Variants in CDYL observed in about 807,000 individuals in gnomAD.
CDYL encodes chromodomain Y like.
A neutral mutation model predicts 47.3 loss-of-function variants in CDYL; 8 were observed. The ratio of observed to expected loss-of-function variants is 0.17; its 90% CI spans 0.10 to 0.31. The LOEUF is 0.31. Among genes scored for constraint, CDYL ranks in the 10% least tolerant of loss-of-function variants. The pLI is 1.00. For synonymous variants in CDYL, 266 were observed against 265.0 expected (o/e 1.00, Z -0.04); for missense variants, 471 against 701.4 (o/e 0.67, Z 3.71).
chr6:4,727,049 T>C (rs375173434), intron 2 of CDYL, among the ~76,000 whole-genome samples: 1 of 152,192 alleles, frequency 6.6e-6, no homozygotes, highest in Non-Finnish European at 1.5e-5. Context: ...ATACATAGTT[T>C]TAGTCACTTT....
intron 3 of CDYL, among the ~76,000 whole-genome samples, chr6:4,770,145 T>A (rs778396224): frequency 2.0e-5 from 3 of 152,164 alleles, no homozygotes; most frequent in South Asian, 2.1e-4. Flanking sequence ...CCAACATTTT[T>A]TTTTTCCTGA....
intron 2 of CDYL, among the ~76,000 whole-genome samples, chr6:4,720,094 T>C (rs7748335): frequency 0.13 from 19,525 of 152,274 alleles, 1,532 homozygotes; most frequent in African/African-American, 0.23. Flanking sequence ...CATATGTGGG[T>C]AAGCCATGGA....
At chr6:4,915,462 A>G (rs905228846) in intron 2 of CDYL, among the ~76,000 whole-genome samples, 5 of 152,184 alleles carry the variant, frequency 3.3e-5, no homozygotes, top group Non-Finnish European at 7.4e-5. Flanking sequence ...AAAGAAACCT[A>G]CATAACTAGT....
chr6:4,893,774 C>A (rs571842576), intron 2 of CDYL, among the ~76,000 whole-genome samples: 5 of 151,928 alleles, frequency 3.3e-5, no homozygotes, highest in Non-Finnish European at 5.9e-5. Context: ...TAATAGCAAA[C>A]AAAATACAAT....
chr6:4,934,853 G>T (rs1029771109), intron 2 of CDYL, among the ~76,000 whole-genome samples: 5 of 152,190 alleles, frequency 3.3e-5, no homozygotes, highest in African/African-American at 1.2e-4. Flanking sequence ...GGGAACGTTG[G>T]CAGGATGCTT....
intron 1 of CDYL, among the ~76,000 whole-genome samples, chr6:4,777,788 T>C (rs951285938): frequency 2.6e-5 from 4 of 152,208 alleles, no homozygotes; most frequent in Non-Finnish European, 5.9e-5. Flanking sequence ...CTTATGGGCG[T>C]ATTATTGCTG....
chr6:4,787,113 C>T (rs955835358), intron 1 of CDYL, among the ~76,000 whole-genome samples: 5 of 152,230 alleles, frequency 3.3e-5, no homozygotes, highest in Non-Finnish European at 5.9e-5. Flanking sequence ...GTAGCCAACT[C>T]TCCCAGCAGG....
At chr6:4,931,774 T>A (rs1758039991) in intron 2 of CDYL, among the ~76,000 whole-genome samples, 1 of 152,170 alleles carries the variant, frequency 6.6e-6, no homozygotes, top group Admixed American at 6.5e-5. Context: ...GAGTCTGAAA[T>A]GAGCAGGGAC....
chr6:4,818,413 C>T (rs1759733546), intron 1 of CDYL, among the ~76,000 whole-genome samples: 2 of 152,068 alleles, frequency 1.3e-5, no homozygotes. Context: ...TGATACCTCC[C>T]TGTGTTAATG....
chr6:4,730,410 C>T (rs1757582750), intron 2 of CDYL, among the ~76,000 whole-genome samples: 1 of 152,158 alleles, frequency 6.6e-6, no homozygotes, highest in South Asian at 2.1e-4. Context: ...GGCACGGTGG[C>T]TCATGCCTGT....
At chr6:4,817,920 C>T (rs1581186776) in intron 1 of CDYL, among the ~76,000 whole-genome samples, 1 of 152,280 alleles carries the variant, frequency 6.6e-6, no homozygotes, top group Non-Finnish European at 1.5e-5. Context: ...TGTATTTTGT[C>T]AGCCTTTAAA....
chr6:4,930,740 G>A (rs1447024928), intron 2 of CDYL, among the ~76,000 whole-genome samples: 1 of 152,126 alleles, frequency 6.6e-6, no homozygotes, highest in African/African-American at 2.4e-5. Context: ...TATCCTTTTT[G>A]CTCTTGAACA....
At chr6:4,734,676 T>G in intron 2 of CDYL, 2 of 1,563,798 alleles carry the variant, frequency 1.3e-6, no homozygotes, top group Non-Finnish European at 8.7e-7. Flanking sequence ...GGATGGGAAG[T>G]TGGGGGATGG....
chr6:4,858,409 C>T (rs1761073710), intron 1 of CDYL, among the ~76,000 whole-genome samples: 1 of 152,178 alleles, frequency 6.6e-6, no homozygotes, highest in South Asian at 2.1e-4. Flanking sequence ...GTTTCACACC[C>T]AAACACTTCC....
At chr6:4,884,221 G>C (rs1271510043) in intron 1 of CDYL, among the ~76,000 whole-genome samples, 1 of 152,214 alleles carries the variant, frequency 6.6e-6, no homozygotes, top group African/African-American at 2.4e-5. Flanking sequence ...AAAAGGAAAT[G>C]TCCAGAAGCT....
At chr6:4,900,719 CTG>C (rs1245662048) in intron 2 of CDYL, among the ~76,000 whole-genome samples, 9 of 138,290 alleles carry the variant, frequency 6.5e-5, no homozygotes, top group Admixed American at 3.0e-4. Flanking sequence ...AACAGGAAAA[CTG>C]TTTTTGCAAG....
intron 3 of CDYL, among the ~76,000 whole-genome samples, chr6:4,752,769 C>T (rs1246958044): frequency 6.6e-6 from 1 of 151,768 alleles, no homozygotes; most frequent in Non-Finnish European, 1.5e-5. Context: ...CACATGGCGG[C>T]GAGGACCAAA....
chr6:4,855,192 A>G lies in CDYL; in HGVS notation c.25-36521A>G, dbSNP rs531441621. 1.1e-4 allele frequency among the ~76,000 whole-genome samples: 16 copies of G among 152,336 alleles called. No individual in the cohort carries two copies. The South Asian group carries it at 2.5e-3, about 24-fold the overall frequency. ...GCAATGGATTCTAAAAAGAGAACCA[A>G]TGAAAGCCCAGTATTTAACCCTTTG... On this transcript the variant is annotated intron_variant, in intron 1 of 6. Coordinates refer to ENST00000397588, the MANE Select transcript of CDYL (RefSeq NM_004824.4).
intron 1 of CDYL, among the ~76,000 whole-genome samples, chr6:4,866,444 G>A (rs988768492): frequency 6.6e-6 from 1 of 152,074 alleles, no homozygotes; most frequent in South Asian, 2.1e-4. Context: ...GGAATAGCAA[G>A]TATTTTTAAA....
Sources: allele counts gnomAD v4.1 joint callset (sites outside exome capture counted in the v4.1 genomes callset), GRCh38; gene constraint gnomAD v4.1.1; transcripts MANE v1.5; gene names NCBI Gene and HGNC (gene_info 2026-07-23, HGNC 2026-07-21).